Variants in GOLGA5 observed in about 807,000 individuals in gnomAD.
The protein encoded by GOLGA5 is golgin subfamily A member 5.
In GOLGA5, 50 loss-of-function variants were observed where a neutral mutation model predicts 93.5. The ratio of observed to expected loss-of-function variants is 0.53; its 90% CI spans 0.43 to 0.68. The LOEUF (loss-of-function observed/expected upper bound fraction) is 0.68, where lower values mean the gene tolerates loss of function less well. Among genes scored for constraint, GOLGA5 ranks in the 30% least tolerant of loss-of-function variants. The pLI is 0.00. For synonymous variants in GOLGA5, 312 were observed against 304.5 expected (o/e 1.02, Z -0.26); for missense variants, 760 against 856.4 (o/e 0.89, Z 1.40).
At position 92,837,449 on chromosome 14, in the gene GOLGA5, G is replaced by GGTAA. The variant is rs1447308392; in HGVS notation, c.2115+5_2115+8dup. On this transcript the variant is annotated frameshift_variant and splice_region_variant. Transcript: ENST00000163416. LOFTEE classifies it high-confidence loss of function. ...CGCGAGTTTTTGTAATTATATATAT[G>GGTAA]GTAAGTAAATTTATTTGAAAAAACA... is the stretch of plus-strand genomic sequence containing the variant. The GGTAA allele has an allele frequency of 3.0e-6, 4 of 1,318,466 alleles. No homozygotes were observed. The highest frequency in any genetic ancestry group is 1.5e-5 in the African/African-American group (1 of 68,910). 81.7% of individuals were successfully genotyped at this position (1,318,466 alleles called of 1,614,324 possible).
At chr14:92,829,095 G>T (rs1301098225) in intron 9 of GOLGA5, among the ~76,000 whole-genome samples, 1 of 152,142 alleles carries the variant, frequency 6.6e-6, no homozygotes, top group Non-Finnish European at 1.5e-5. Flanking sequence ...TTCCCAAGTG[G>T]CTGGGATTAC....
intron 8 of GOLGA5, among the ~76,000 whole-genome samples, chr14:92,822,401 T>A (rs1885334094): frequency 6.6e-6 from 1 of 152,224 alleles, no homozygotes; most frequent in Admixed American, 6.5e-5. Flanking sequence ...AGTTACTCCT[T>A]CTCTGTTCTA....
chr14:92,804,848 A>G (rs559471674), intron 2 of GOLGA5, among the ~76,000 whole-genome samples: 5 of 151,026 alleles, frequency 3.3e-5, no homozygotes, highest in East Asian at 2.0e-4. Context: ...GGGTTTCACT[A>G]TGTTGGCCAG....
chr14:92,795,045 G>A (rs1332883450), intron 1 of GOLGA5, among the ~76,000 whole-genome samples: 1 of 151,938 alleles, frequency 6.6e-6, no homozygotes, highest in Non-Finnish European at 1.5e-5. Context: ...ATGTTTTAAA[G>A]CCCAATTAAT....
At chr14:92,825,311 C>T (rs1240771429) in intron 9 of GOLGA5, among the ~76,000 whole-genome samples, 2 of 152,134 alleles carry the variant, frequency 1.3e-5, no homozygotes, top group African/African-American at 4.8e-5. Context: ...AGTTTCCAGA[C>T]TTGATAGTAG....
chr14:92,802,103 A>G (rs149037430), intron 2 of GOLGA5, among the ~76,000 whole-genome samples: 234 of 152,304 alleles, frequency 1.5e-3, no homozygotes, highest in Middle Eastern at 0.01. Flanking sequence ...TTGCTTCTAT[A>G]TAGACAGTTT....
chr14:92,796,003 CAAAT>C (rs1308457853), intron 1 of GOLGA5, among the ~76,000 whole-genome samples: 2 of 152,208 alleles, frequency 1.3e-5, no homozygotes, highest in African/African-American at 4.8e-5. Context: ...AATAAGTACT[CAAAT>C]ATATGTATGG....
chr14:92,811,869 G>A (rs1885109735), intron 6 of GOLGA5, 115 bp downstream of exon 6: 8 of 740,610 alleles, frequency 1.1e-5, no homozygotes, highest in Non-Finnish European at 1.6e-5. Flanking sequence ...TGATTGGCTA[G>A]CTTTAGGTGC....
chr14:92,808,663 G>GT (rs34306917), intron 3 of GOLGA5, among the ~76,000 whole-genome samples: 87,127 of 133,684 alleles, frequency 0.65, 28,433 homozygotes, highest in African/African-American at 0.76. Flanking sequence ...ATGTTTTTGG[G>GT]TTTTTTTTTT....
intron 2 of GOLGA5, among the ~76,000 whole-genome samples, chr14:92,800,589 A>G (rs1269667672): frequency 1.3e-5 from 2 of 152,250 alleles, no homozygotes; most frequent in African/African-American, 4.8e-5. Context: ...TTCCTGAACA[A>G]CAGGCTTTAG....
chr14:92,830,407 A>AT (rs35482590), intron 9 of GOLGA5, among the ~76,000 whole-genome samples: 116,813 of 148,026 alleles, frequency 0.79, 46,223 homozygotes, highest in African/African-American at 0.87. Context: ...TGTGACTGGT[A>AT]TTTTTTTTTT....
chr14:92,821,490 A>C (rs1439921152), intron 8 of GOLGA5, among the ~76,000 whole-genome samples: 1 of 152,166 alleles, frequency 6.6e-6, no homozygotes, highest in Non-Finnish European at 1.5e-5. Flanking sequence ...CTAATTTACT[A>C]AGTGACAACA....
At chr14:92,839,209 T>C (rs188005525) in intron 12 of GOLGA5, among the ~76,000 whole-genome samples, 157 bp from the exon 13 acceptor site, 1 of 152,358 alleles carries the variant, frequency 6.6e-6, no homozygotes, top group African/African-American at 2.4e-5. Flanking sequence ...TTACCTTCCA[T>C]TGCACTGAGC....
chr14:92,826,234 G>C (rs4904991), intron 9 of GOLGA5, among the ~76,000 whole-genome samples: 1 of 150,796 alleles, frequency 6.6e-6, no homozygotes, highest in Non-Finnish European at 1.5e-5. Flanking sequence ...CCTTTGTCCC[G>C]TAGAATTAAG....
At chr14:92,815,746 C>T (rs1451413676) in intron 6 of GOLGA5, among the ~76,000 whole-genome samples, 4 of 142,444 alleles carry the variant, frequency 2.8e-5, no homozygotes, top group Non-Finnish European at 4.5e-5. Context: ...CTCTGTCACC[C>T]AGGCTGGAGT....
rs1190842211 is a variant in GOLGA5, at chr14:92,818,643, T to C, written c.1492-1065T>C. ...ACAAAGTTGTGTGAGTTCAGAGGAT[T>C]GCACTGTGATTATCTGGGCATCTTG... On this transcript the variant is annotated intron_variant, in intron 7 of 12. Coordinates refer to ENST00000163416, the MANE Select transcript of GOLGA5 (RefSeq NM_005113.4). Among the ~76,000 whole-genome samples the C allele has an allele frequency of 1.3e-5, 2 of 152,256 alleles. 1 individual carries two copies.
chr14:92,833,122 C>T lies in GOLGA5; in HGVS notation c.1720C>T (p.Leu574Phe). The change falls in exon 10 of 13, where the codon CTT (leucine) becomes TTT (phenylalanine). Residue 574 changes from leucine to phenylalanine, a missense_variant and splice_region_variant. Coordinates refer to ENST00000163416, the MANE Select transcript of GOLGA5 (RefSeq NM_005113.4). ...ATTTTGTGAACACTTTCTCTTTCAG[C>T]TTACCAATAAAACTTTAAGCAATAG... ...DEEIQKLRNQ[L>F]TNKTLSNSSQ... 2.0e-6 allele frequency: 3 copies of T among 1,532,322 alleles called. No individual in the cohort carries two copies. The highest frequency in any genetic ancestry group is 1.4e-5 in the African/African-American group (1 of 73,390). The allele number at this position is 1,532,322 out of a possible 1,614,324, so 94.9% of individuals were successfully genotyped here. A position where few individuals can be genotyped will look rare whatever the true frequency, so the allele number is the denominator to read the frequency against.
chr14:92,801,597 T>G (rs140287684), intron 2 of GOLGA5, among the ~76,000 whole-genome samples: 67 of 152,308 alleles, frequency 4.4e-4, no homozygotes, highest in African/African-American at 1.4e-3. Context: ...GGCATCTCAA[T>G]GAATAGAAGT....
intron 2 of GOLGA5, among the ~76,000 whole-genome samples, chr14:92,805,700 G>T (rs1031205045): frequency 6.6e-6 from 1 of 152,040 alleles, no homozygotes; most frequent in Non-Finnish European, 1.5e-5. Flanking sequence ...TTCTCATTGT[G>T]ATTTTAATTT....
Sources: allele counts gnomAD v4.1 joint callset (sites outside exome capture counted in the v4.1 genomes callset), GRCh38; gene constraint gnomAD v4.1.1; transcripts MANE v1.5; gene names NCBI Gene and HGNC (gene_info 2026-07-23, HGNC 2026-07-21).